The following DNAH1 variants were observed in gnomAD, a reference collection of about 807,000 sequenced individuals.
DNAH1 encodes the protein axonemal beta dynein heavy chain 1.
Under a neutral mutation model 484.3 loss-of-function variants are expected in DNAH1, and 327 were observed. The observed-to-expected ratio is 0.68, with a 90% CI of 0.62 to 0.74. The LOEUF is 0.74. DNAH1 is among the 30% of genes least tolerant of loss of function. The probability of loss-of-function intolerance (pLI) is 0.00; values close to 1 mark genes in which losing one functional copy is unlikely to be tolerated. For synonymous variants in DNAH1, 2,192 were observed against 2,191.9 expected (o/e 1.00, Z 0.00); for missense variants, 5,052 against 5,546.8 (o/e 0.91, Z 2.83).
Position 52,347,987 on chromosome 3 carries a change from G to A in DNAH1, c.2106+13G>A. ...CCAGCTGGAGAAGGTACGTGCTGCA[G>A]CCTGAGCAGGCCCCAGGCACCTGCT... is the stretch of plus-strand genomic sequence containing the variant. On this transcript the variant is annotated intron_variant, in intron 12 of 77. Transcript: ENST00000420323. 1 of 1,597,972 alleles carries A rather than the reference G, an allele frequency of 6.3e-7. No individual in the cohort carries two copies. The highest frequency in any genetic ancestry group is 1.1e-5 in the South Asian group (1 of 88,290).
chr3:52,378,550 C>T (rs1442152698), intron 46 of DNAH1, 52 bp from the exon 47 acceptor site: 31 of 1,582,508 alleles, frequency 2.0e-5, no homozygotes, highest in South Asian at 1.1e-4. Context: ...CCTGCAGAGG[C>T]GGCAGAGGGA....
rs1396523384 is a variant in DNAH1 at position 52,353,414 on chromosome 3, C to T, written c.3261C>T (p.Arg1087=). ...AAGTGGCCTTGGACATCCGGGCCCG[C>T]ATCGAGGAGTTCAAACCATACATCC... The part of the protein sequence containing the change: ...CQEVALDIRA[R]IEEFKPYIPL... The change falls in exon 20 of 78, where the codon CGC becomes CGT. Residue 1087 remains arginine (R), a synonymous_variant. Transcript: ENST00000420323. The surrounding 1 kb of genome is among the most constrained non-coding windows in gnomAD (Gnocchi z 5.0). 18 of 1,613,420 alleles carry T rather than the reference C, an allele frequency of 1.1e-5. No individual in the cohort carries two copies. The highest frequency in any genetic ancestry group is 1.3e-5 in the African/African-American group (1 of 74,930).
intron 56 of DNAH1, 123 bp from the exon 57 acceptor site, chr3:52,388,044 G>T: frequency 7.9e-7 from 1 of 1,260,900 alleles, no homozygotes. Flanking sequence ...GAAAGAATCT[G>T]TACTGAGGCC....
At position 52,397,045 on chromosome 3, in the gene DNAH1, G is replaced by A. The variant is rs749238811; in HGVS notation, c.11787+1G>A. 1.8e-5 allele frequency: 29 copies of A among 1,599,404 alleles called. No individual in the cohort carries two copies. The highest frequency in any genetic ancestry group is 2.2e-5 in the Non-Finnish European group (26 of 1,173,338). Reference sequence around the variant, plus strand: ...GATCCCGCCTACCTACGACCTCCACGTGAGTCCAGCCCAAAGGGCTGCACA... The same window carrying A: ...GATCCCGCCTACCTACGACCTCCACATGAGTCCAGCCCAAAGGGCTGCACA... On this transcript the variant is annotated splice_donor_variant, in intron 73 of 77. Transcript: ENST00000420323. LOFTEE classifies it high-confidence loss of function.
chr3:52,388,641 C>G, intron 58 of DNAH1, 32 bp downstream of exon 58: 1 of 1,611,492 alleles, frequency 6.2e-7, no homozygotes, highest in Non-Finnish European at 8.5e-7. Context: ...GGCCTGCAAG[C>G]GGGCCCGGCC....
At chr3:52,341,279 C>A (rs769397756) in intron 8 of DNAH1, among the ~76,000 whole-genome samples, 45 of 152,274 alleles carry the variant, frequency 3.0e-4, no homozygotes, top group Non-Finnish European at 5.9e-4. Flanking sequence ...ATGACCACAA[C>A]AAAGGTTGTC....
intron 8 of DNAH1, among the ~76,000 whole-genome samples, chr3:52,344,137 C>T (rs771030989): frequency 3.9e-5 from 6 of 152,186 alleles, no homozygotes; most frequent in Non-Finnish European, 7.3e-5. Flanking sequence ...GGCGGGGGTG[C>T]TGCAGGGGAG....
At position 52,386,388 on chromosome 3, in the gene DNAH1, C is replaced by G. The variant is rs1054739951; in HGVS notation, c.8811+43C>G. The G allele has an allele frequency of 2.6e-6, 4 of 1,517,476 alleles. No homozygotes were observed. The South Asian group carries it at 5.1e-5, about 19-fold the overall frequency. The allele number at this position is 1,517,476 out of a possible 1,614,324, so 94.0% of individuals were successfully genotyped here. A position where few individuals can be genotyped will look rare whatever the true frequency, so the allele number is the denominator to read the frequency against. On this transcript the variant is annotated intron_variant, in intron 55 of 77. Coordinates refer to ENST00000420323, the MANE Select transcript of DNAH1 (RefSeq NM_015512.5). ...TCCTGGCATTCCCTCTCATATGCCT[C>G]TGTCCTCAAGCCTTCCCTCTGCACA...
intron 44 of DNAH1, chr3:52,374,834 A>G: frequency 9.1e-7 from 1 of 1,098,568 alleles, no homozygotes; most frequent in Non-Finnish European, 1.4e-6. Context: ...AAATGGAAGT[A>G]CGAGAAGAAG....
At chr3:52,386,972 C>T in intron 56 of DNAH1, 119 bp downstream of exon 56, 1 of 1,097,926 alleles carries the variant, frequency 9.1e-7, no homozygotes, top group Non-Finnish European at 1.3e-6. Flanking sequence ...TGGCCTCTGT[C>T]CTGTCTCTCT....
chr3:52,378,890 T>C, intron 47 of DNAH1, 110 bp downstream of exon 47: 1 of 1,419,840 alleles, frequency 7.0e-7, no homozygotes, highest in South Asian at 1.3e-5. Context: ...TGGGGCTTCC[T>C]GGAACATGGA....
Position 52,391,425 on chromosome 3 carries a change from CG to C in DNAH1, c.9892-16del, listed in dbSNP as rs753312112. On this transcript the variant is annotated splice_polypyrimidine_tract_variant and intron_variant, in intron 62 of 77. Coordinates refer to ENST00000420323, the MANE Select transcript of DNAH1 (RefSeq NM_015512.5). The stretch of plus-strand genomic sequence containing the variant: ...GTGATGCTCAGGCCACAGTACCCAC[CG>C]GTCCCACCCACCACAGACGTACAAG... 23 of 1,602,688 alleles carry C rather than the reference CG, an allele frequency of 1.4e-5. No individual in the cohort carries two copies. The highest frequency in any genetic ancestry group is 1.7e-6 in the Non-Finnish European group (2 of 1,174,948).
chr3:52,361,652 C>T lies in DNAH1; in HGVS notation c.4875-9C>T. ...CATGTGCCCCATCCAATGTTCCGGC[C>T]TCACTCAGTGCTGGGGCCTGGGCCT... is the stretch of plus-strand genomic sequence containing the variant. On this transcript the variant is annotated splice_polypyrimidine_tract_variant and intron_variant, in intron 29 of 77. Coordinates refer to ENST00000420323, the MANE Select transcript of DNAH1 (RefSeq NM_015512.5). The surrounding 1 kb of genome is among the most constrained non-coding windows in gnomAD (Gnocchi z 5.6). 4.4e-6 allele frequency: 7 copies of T among 1,596,590 alleles called. No homozygotes were observed. The highest frequency in any genetic ancestry group is 2.6e-6 in the Non-Finnish European group (3 of 1,171,862).
chr3:52,371,869 A>AC, intron 41 of DNAH1, 77 bp from the exon 42 acceptor site: 1 of 1,572,310 alleles, frequency 6.4e-7, no homozygotes, highest in Non-Finnish European at 8.6e-7. Context: ...GCCCTTCTGC[A>AC]CTTGGCCATG....
intron 46 of DNAH1, among the ~76,000 whole-genome samples, chr3:52,376,793 C>T (rs1182635994): frequency 6.6e-6 from 1 of 152,188 alleles, no homozygotes; most frequent in African/African-American, 2.4e-5. Context: ...TGCACCCGCC[C>T]TCCCCTCCCA....
At chr3:52,360,198 G>T in intron 27 of DNAH1, 113 bp from the exon 28 acceptor site, 1 of 1,518,708 alleles carries the variant, frequency 6.6e-7, no homozygotes, top group Non-Finnish European at 9.0e-7. Context: ...GACAAGCTGG[G>T]TATGGGTACC....
At position 52,372,898 on chromosome 3, in the gene DNAH1, G is replaced by T; in HGVS notation, c.6830G>T (p.Arg2277Leu). The T allele has an allele frequency of 6.2e-7, 1 of 1,612,068 alleles. No individual in the cohort carries two copies. Among genetic ancestry groups the T allele is most frequent in the East Asian group, 2.2e-5 (1 of 44,696 alleles). Reference sequence around the variant, plus strand: ...GCTCACACAGCCCCTCCCCTCAGGCGGAAGGGTGTGTTTGGACCACCTCTG... The same window carrying T: ...GCTCACACAGCCCCTCCCCTCAGGCTGAAGGGTGTGTTTGGACCACCTCTG... Reference protein sequence around the residue: ...DFIDSKLDKRRKGVFGPPLGR... With the variant: ...DFIDSKLDKRLKGVFGPPLGR... Residue 2277 changes from arginine (R) to leucine (L), a missense_variant and splice_region_variant, in exon 44 of 78, where the codon CGG becomes CTG. Physicochemically the swap from Arg to Leu is moderately radical, Grantham distance 102 (BLOSUM62 -2). Around this residue, in one of 4 missense-constraint regions of DNAH1, gnomAD observed 2,929 missense variants for 3,409.4 expected, o/e 0.86. Transcript: ENST00000420323.
chr3:52,352,121 G>A lies in DNAH1; in HGVS notation c.2871+18G>A. ...GGCTGCAGGTGGGGCACAGCTGCAG[G>A]CTTGGTGCTGGACACAGCCCCCACC... On this transcript the variant is annotated intron_variant, in intron 17 of 77. Transcript: ENST00000420323. The A allele has an allele frequency of 6.4e-7, 1 of 1,564,256 alleles. No homozygotes were observed. Among genetic ancestry groups the A allele is most frequent in the Non-Finnish European group, 8.7e-7 (1 of 1,155,296 alleles).
At position 52,349,139 on chromosome 3, in the gene DNAH1, C is replaced by T. The variant is rs568721474; in HGVS notation, c.2301-56C>T. Reference sequence around the variant, plus strand: ...GTCTGTGTGTTTGTGCATGTGTATCCCCTGCCCACCCTGCTCACCATCCTC... The same window carrying T: ...GTCTGTGTGTTTGTGCATGTGTATCTCCTGCCCACCCTGCTCACCATCCTC... On this transcript the variant is annotated intron_variant, in intron 13 of 77. Coordinates refer to ENST00000420323, the MANE Select transcript of DNAH1 (RefSeq NM_015512.5). 15 of 1,611,366 alleles carry T rather than the reference C, an allele frequency of 9.3e-6. 1 individual carries two copies. The South Asian group carries it at 1.4e-4, about 15-fold the overall frequency.
Sources: allele counts gnomAD v4.1 joint callset (sites outside exome capture counted in the v4.1 genomes callset), GRCh38; gene constraint gnomAD v4.1.1; regional missense constraint gnomAD v4.1.1; non-coding constraint Gnocchi (gnomAD v3.1); transcripts MANE v1.5; gene names NCBI Gene and HGNC (gene_info 2026-07-23, HGNC 2026-07-21).